The following ANO6 variants were observed in gnomAD, a reference collection of about 807,000 sequenced individuals.
ANO6 encodes the protein anoctamin 6.
In ANO6, 106 loss-of-function variants were observed where a neutral mutation model predicts 117.5. The observed-to-expected ratio is 0.90, with a 90% CI of 0.77 to 1.06. The LOEUF (loss-of-function observed/expected upper bound fraction) is 1.06. ANO6 is among the 50% of genes least tolerant of loss of function. ANO6 has a pLI of 0.00. For missense variants in ANO6, 955 were observed against 1,121.1 expected, an observed-to-expected ratio of 0.85 and a Z score of 2.12; for synonymous variants, 367 against 385.1, an observed-to-expected ratio of 0.95 and a Z score of 0.55.
At chr12:45,258,328 A>T (rs1937907730) in intron 1 of ANO6, among the ~76,000 whole-genome samples, 1 of 152,244 alleles carries the variant, frequency 6.6e-6, no homozygotes, top group Non-Finnish European at 1.5e-5. Context: ...AACATAACAC[A>T]TAAGGATGAG....
At chr12:45,330,149 A>C (rs1214981223) in intron 2 of ANO6, among the ~76,000 whole-genome samples, 2 of 152,092 alleles carry the variant, frequency 1.3e-5, no homozygotes, top group Non-Finnish European at 2.9e-5. Context: ...CTGGTGAAAA[A>C]ACCTGCCAAT....
rs150146858 is a variant in ANO6, at chr12:45,421,091, G to A, written c.2238G>A (p.Thr746=). 2.5e-5 allele frequency: 41 copies of A among 1,614,108 alleles called. 1 individual carries two copies. The highest frequency in any genetic ancestry group is 2.0e-4 in the African/African-American group (15 of 75,036). Residue 746 remains threonine, a synonymous_variant, in exon 18 of 20, where the codon ACG becomes ACA. Transcript: ENST00000320560. ...AATAGGCCATGATCATAGCTTTCAC[G>A]TCGGACATGATCCCCCGCCTAGTGT... ...VVTNAMIIAF[T]SDMIPRLVYY... is the part of the protein sequence containing the mutation.
At chr12:45,220,885 A>G (rs1008417751) in intron 1 of ANO6, among the ~76,000 whole-genome samples, 1 of 152,344 alleles carries the variant, frequency 6.6e-6, no homozygotes, top group East Asian at 1.9e-4. Flanking sequence ...CCAGTGGCTA[A>G]TGATTTAATC....
intron 10 of ANO6, among the ~76,000 whole-genome samples, chr12:45,380,031 A>G (rs1286392560): frequency 1.3e-5 from 2 of 152,194 alleles, no homozygotes; most frequent in Non-Finnish European, 2.9e-5. Flanking sequence ...TATCACCACC[A>G]TTATGTTCCT....
rs187719859 is a variant in ANO6, at chr12:45,292,689, C to T, written c.71-9325C>T. ...TATTTTTAGAGCTGAACTGTTGGGG[C>T]AGAGGAGGCTTGTAGGAATAGGGGA... On this transcript the variant is annotated intron_variant, in intron 1 of 19. Coordinates refer to ENST00000320560, the MANE Select transcript of ANO6 (RefSeq NM_001025356.3). The T allele has an allele frequency of 3.0e-4, 394 of 1,297,724 alleles. 5 individuals carry two copies. The African/African-American group carries it at 5.5e-3, about 18-fold the overall frequency. 80.4% of individuals were successfully genotyped at this position (1,297,724 alleles called of 1,614,324 possible).
intron 12 of ANO6, among the ~76,000 whole-genome samples, chr12:45,398,032 C>G (rs1415460436): frequency 6.6e-6 from 1 of 151,796 alleles, no homozygotes; most frequent in East Asian, 1.9e-4. Context: ...GAAGTAAAAA[C>G]GTTTTCTAAA....
intron 12 of ANO6, among the ~76,000 whole-genome samples, chr12:45,392,513 G>A (rs766977657): frequency 9.2e-5 from 14 of 152,240 alleles, no homozygotes; most frequent in East Asian, 3.8e-4. Context: ...CCAGCACAGC[G>A]TTTGAGCTCT....
chr12:45,243,095 G>C (rs1947770504), intron 1 of ANO6, among the ~76,000 whole-genome samples: 1 of 152,180 alleles, frequency 6.6e-6, no homozygotes, highest in African/African-American at 2.4e-5. Context: ...TGGGAGGATT[G>C]CTTGAGCCTA....
intron 2 of ANO6, among the ~76,000 whole-genome samples, chr12:45,304,081 C>T (rs1788528024): frequency 6.6e-6 from 1 of 152,164 alleles, no homozygotes; most frequent in Admixed American, 6.5e-5. Context: ...ATCTGATGCT[C>T]ATTAAGGTCA....
intron 8 of ANO6, among the ~76,000 whole-genome samples, chr12:45,365,272 C>A (rs1392018118): frequency 6.6e-6 from 1 of 152,152 alleles, no homozygotes; most frequent in Admixed American, 6.5e-5. Context: ...TTTCTCATGT[C>A]TTTCTTGGCC....
intron 1 of ANO6, among the ~76,000 whole-genome samples, chr12:45,260,707 A>G (rs1167210152): frequency 6.6e-6 from 1 of 152,160 alleles, no homozygotes; most frequent in Admixed American, 6.5e-5. Flanking sequence ...TGAAGAGAGG[A>G]TTGAGAGGAA....
rs145096058 is a variant in ANO6, at chr12:45,429,076, A to G, written c.2527-29A>G. ...CGGTGTTCTCCTCCATTTCTTTGTG[A>G]GTGACATTTTTCTTCTTCTCTTCCC... is the stretch of plus-strand genomic sequence containing the variant. On this transcript the variant is annotated intron_variant, in intron 19 of 19. Transcript: ENST00000320560. 676 of 1,610,230 alleles carry G rather than the reference A, an allele frequency of 4.2e-4. 1 individual carries two copies. The highest frequency in any genetic ancestry group is 2.4e-3 in the African/African-American group (178 of 75,006).
chr12:45,317,739 C>T (rs1049245682), intron 2 of ANO6, among the ~76,000 whole-genome samples: 2 of 152,146 alleles, frequency 1.3e-5, no homozygotes, highest in Non-Finnish European at 2.9e-5. Flanking sequence ...GTCCCACCAA[C>T]TGTGTAAAAG....
Position 45,348,507 on chromosome 12 carries a change from A to C in ANO6, c.634-11A>C. 1 of 1,608,024 alleles carries C rather than the reference A, an allele frequency of 6.2e-7. No individual in the cohort carries two copies. Among genetic ancestry groups the C allele is most frequent in the East Asian group, 2.2e-5 (1 of 44,836 alleles). On this transcript the variant is annotated splice_polypyrimidine_tract_variant and intron_variant, in intron 5 of 19. Coordinates refer to ENST00000320560, the MANE Select transcript of ANO6 (RefSeq NM_001025356.3). ...ATATAAACCGCATACTCTATTTTGGAATCTTTTTAGGTTTACTTCATCCTC... is the reference window on the plus strand; with the variant it reads ...ATATAAACCGCATACTCTATTTTGGCATCTTTTTAGGTTTACTTCATCCTC...
chr12:45,270,314 T>A (rs1046420189), intron 1 of ANO6: 127 of 1,158,358 alleles, frequency 1.1e-4, no homozygotes, highest in Non-Finnish European at 1.3e-4. Context: ...ATAAGGAAAA[T>A]GAGAGCAAAA....
At chr12:45,400,398 A>G (rs1480995909) in intron 12 of ANO6, among the ~76,000 whole-genome samples, 1 of 152,186 alleles carries the variant, frequency 6.6e-6, no homozygotes, top group African/African-American at 2.4e-5. Context: ...ATATACACAC[A>G]AATCTTACTC....
At chr12:45,355,017 G>C (rs545143075) in intron 7 of ANO6, among the ~76,000 whole-genome samples, 9 of 152,112 alleles carry the variant, frequency 5.9e-5, no homozygotes, top group African/African-American at 1.9e-4. Context: ...TTTAGAGATA[G>C]GGAAGTAAAT....
chr12:45,423,983 G>A (rs1053980727), intron 19 of ANO6, among the ~76,000 whole-genome samples: 2 of 151,820 alleles, frequency 1.3e-5, no homozygotes, highest in African/African-American at 4.8e-5. Context: ...CAGAGAAGAA[G>A]TGGGGTAGAC....
chr12:45,356,349 A>G (rs1274352040), intron 7 of ANO6, among the ~76,000 whole-genome samples: 2 of 152,010 alleles, frequency 1.3e-5, no homozygotes, highest in South Asian at 2.1e-4. Flanking sequence ...TCTTATTATT[A>G]CAGTTGCCCC....
Sources: allele counts gnomAD v4.1 joint callset (sites outside exome capture counted in the v4.1 genomes callset), GRCh38; gene constraint gnomAD v4.1.1; transcripts MANE v1.5; gene names NCBI Gene and HGNC (gene_info 2026-07-23, HGNC 2026-07-21).